Variants in TEX14 observed in about 807,000 individuals in gnomAD.
TEX14 encodes the protein testis expressed 14, intercellular bridge forming factor.
Under a neutral mutation model 178.6 loss-of-function variants are expected in TEX14, and 168 were observed. That is an observed-to-expected ratio of 0.94 (90% CI 0.83 to 1.07). The LOEUF (loss-of-function observed/expected upper bound fraction) is 1.07, where lower values mean the gene tolerates loss of function less well. TEX14 is among the 50% of genes least tolerant of loss of function. The pLI is 0.00. For synonymous variants in TEX14, 626 were observed against 634.1 expected (o/e 0.99, Z 0.19); for missense variants, 1,730 against 1,753.6 (o/e 0.99, Z 0.24).
chr17:58,686,542 C>G (rs2047595721), intron 1 of TEX14, among the ~76,000 whole-genome samples: 2 of 152,064 alleles, frequency 1.3e-5, no homozygotes, highest in Admixed American at 6.6e-5. Context: ...GAGTCACTGC[C>G]ATGCCCAGGT....
chr17:58,586,540 C>G (rs1238974261), intron 17 of TEX14, among the ~76,000 whole-genome samples: 1 of 152,152 alleles, frequency 6.6e-6, no homozygotes, highest in Non-Finnish European at 1.5e-5. Context: ...GCTAATGTCA[C>G]TTACGACTAG....
chr17:58,592,337 C>CTT (rs750203217), intron 15 of TEX14, among the ~76,000 whole-genome samples: 4 of 137,004 alleles, frequency 2.9e-5, no homozygotes, highest in Non-Finnish European at 4.8e-5. Flanking sequence ...TCGAGTGATT[C>CTT]TTTTTTTTTT....
At chr17:58,625,692 CA>C (rs1330797253) in intron 3 of TEX14, among the ~76,000 whole-genome samples, 1 of 152,154 alleles carries the variant, frequency 6.6e-6, no homozygotes, top group Non-Finnish European at 1.5e-5. Flanking sequence ...ACACAGTGTT[CA>C]AAAAAATTGA....
intron 9 of TEX14, among the ~76,000 whole-genome samples, chr17:58,613,156 C>A (rs189032639): frequency 1.3e-5 from 2 of 151,552 alleles, no homozygotes; most frequent in African/African-American, 4.8e-5. Flanking sequence ...AAGCCAAGAT[C>A]GCGCCACTGC....
intron 1 of TEX14, among the ~76,000 whole-genome samples, chr17:58,652,205 T>C (rs759690536): frequency 2.6e-5 from 4 of 152,252 alleles, no homozygotes; most frequent in South Asian, 2.1e-4. Context: ...CTGTTGAATA[T>C]AGAATGGTGA....
At chr17:58,604,882 T>A in intron 11 of TEX14, 96 bp downstream of exon 11, 1 of 1,364,034 alleles carries the variant, frequency 7.3e-7, no homozygotes, top group Non-Finnish European at 1.0e-6. Context: ...TTTTAATAAG[T>A]CTTCTATTTT....
At chr17:58,679,396 G>A (rs555750209) in intron 1 of TEX14, 8 of 152,052 alleles carry the variant, frequency 5.3e-5, no homozygotes, top group African/African-American at 1.7e-4. Flanking sequence ...GACCAAAAGC[G>A]TGTGTGGAGA....
chr17:58,627,730 A>G (rs1004755887), intron 3 of TEX14, among the ~76,000 whole-genome samples: 5 of 148,240 alleles, frequency 3.4e-5, no homozygotes, highest in African/African-American at 5.0e-5. Flanking sequence ...AGATCATGCC[A>G]CTGCACTCCA....
chr17:58,690,532 G>A (rs924806247), intron 1 of TEX14, among the ~76,000 whole-genome samples: 2 of 152,174 alleles, frequency 1.3e-5, no homozygotes, highest in African/African-American at 4.8e-5. Flanking sequence ...CACTGAGTTT[G>A]ACCAAACTAA....
At chr17:58,614,116 A>G (rs1230389084) in intron 8 of TEX14, among the ~76,000 whole-genome samples, 3 of 152,202 alleles carry the variant, frequency 2.0e-5, no homozygotes, top group Non-Finnish European at 4.4e-5. Flanking sequence ...TATTCTTTGC[A>G]TACATCGTCT....
chr17:58,577,489 AT>A (rs762398226), intron 20 of TEX14, 33 bp from the exon 21 acceptor site: 618 of 749,786 alleles, frequency 8.2e-4, no homozygotes, highest in South Asian at 1.4e-3. Flanking sequence ...ATATATATAT[AT>A]TTTTTTTTAC....
Position 58,616,278 on chromosome 17 carries a change from C to A in TEX14, c.664G>T (p.Ala222Ser). Residue 222 changes from alanine (A) to serine (S), a missense_variant, in exon 7 of 32, where the codon GCC becomes TCC. By Grantham distance (99) the Ala-to-Ser change is moderately conservative. This residue lies in a region of TEX14 where 789 missense variants were observed against 681.2 expected (regional missense o/e 1.16). Transcript: ENST00000349033. ...ATGACCGGAAGAGATCCTAGATAGG[C>A]CATCTGTGTCGCCCCAGTAAGATAA... ...KFYLTGATQMAYLGSLPVIGE... is the reference protein window; with the variant it reads ...KFYLTGATQMSYLGSLPVIGE... 1 of 1,613,762 alleles carries A rather than the reference C, an allele frequency of 6.2e-7. No individual in the cohort carries two copies. The highest frequency in any genetic ancestry group is 8.5e-7 in the Non-Finnish European group (1 of 1,179,868).
chr17:58,617,648 C>T, intron 5 of TEX14, 29 bp from the exon 6 acceptor site: 1 of 1,521,154 alleles, frequency 6.6e-7, no homozygotes, highest in Non-Finnish European at 9.1e-7. Flanking sequence ...GGAAAAAAAC[C>T]TCAGAATTAA....
intron 9 of TEX14, 132 bp downstream of exon 9, chr17:58,613,289 T>C: frequency 8.7e-7 from 1 of 1,148,766 alleles, no homozygotes; most frequent in Non-Finnish European, 1.3e-6. Flanking sequence ...ATACAGCCCC[T>C]ATAAAGCAAA....
At chr17:58,678,136 C>T (rs895693279) in intron 1 of TEX14, among the ~76,000 whole-genome samples, 2 of 151,844 alleles carry the variant, frequency 1.3e-5, no homozygotes, top group African/African-American at 4.8e-5. Flanking sequence ...GGCGACAGAG[C>T]GAGACTCCAA....
At chr17:58,660,483 C>T (rs1334886014) in intron 1 of TEX14, 6 of 636,162 alleles carry the variant, frequency 9.4e-6, no homozygotes, top group Admixed American at 5.2e-5. Context: ...CTTCGTTTTA[C>T]ACAGCTGTAG....
intron 5 of TEX14, among the ~76,000 whole-genome samples, chr17:58,618,968 A>G (rs2045936586): frequency 6.6e-6 from 1 of 152,256 alleles, no homozygotes; most frequent in Non-Finnish European, 1.5e-5. Context: ...TAAACAGACC[A>G]TAAGAAAAAG....
chr17:58,592,758 C>T (rs952222767), intron 15 of TEX14, among the ~76,000 whole-genome samples: 1 of 152,106 alleles, frequency 6.6e-6, no homozygotes, highest in Non-Finnish European at 1.5e-5. Context: ...AGGCTGCTCT[C>T]GAACTCCTGA....
chr17:58,672,827 G>T (rs2047325871), intron 1 of TEX14, among the ~76,000 whole-genome samples: 1 of 152,028 alleles, frequency 6.6e-6, no homozygotes, highest in South Asian at 2.1e-4. Context: ...TGCCTCCTGG[G>T]TTCAAGCGAT....
Sources: gnomAD v4.1 joint callset for allele counts (sites outside exome capture counted in the v4.1 genomes callset) on GRCh38, gnomAD v4.1.1 for gene constraint, gnomAD v4.1.1 regional missense constraint, MANE v1.5 for transcripts, NCBI Gene and HGNC (gene_info 2026-07-23, HGNC 2026-07-21) for gene names.